The following LMX1A variants were observed in gnomAD, a reference collection of about 807,000 sequenced individuals.
LMX1A encodes LIM homeobox transcription factor 1-alpha.
Under a neutral mutation model 49.1 loss-of-function variants are expected in LMX1A, and 15 were observed. That is an observed-to-expected ratio of 0.31 (90% CI 0.20 to 0.47). LMX1A has a LOEUF of 0.47. Ranked by LOEUF, LMX1A falls within the 20% of genes least tolerant of loss-of-function variation. LMX1A has a pLI of 1.00. For synonymous variants in LMX1A, 167 were observed against 185.7 expected (o/e 0.90, Z 0.82); for missense variants, 372 against 475.8 (o/e 0.78, Z 2.03).
At chr1:165,221,945 GCACACGCACA>G (rs1651866899) in intron 4 of LMX1A, among the ~76,000 whole-genome samples, 1 of 46,990 alleles carries the variant, frequency 2.1e-5, no homozygotes, top group African/African-American at 6.0e-5. Flanking sequence ...ACACACACAC[GCACACGCACA>G]CACACACGCT....
At chr1:165,342,121 T>C (rs768291950) in intron 3 of LMX1A, among the ~76,000 whole-genome samples, 1 of 152,228 alleles carries the variant, frequency 6.6e-6, no homozygotes, top group Non-Finnish European at 1.5e-5. Context: ...AATACAGGAA[T>C]ACTCAGTTTC....
At chr1:165,204,597 A>C (rs1650994495) in intron 8 of LMX1A, among the ~76,000 whole-genome samples, 1 of 152,188 alleles carries the variant, frequency 6.6e-6, no homozygotes, top group South Asian at 2.1e-4. Flanking sequence ...CACACATTGG[A>C]ACAGCTGAGA....
chr1:165,232,272 T>G (rs1446647232), intron 4 of LMX1A, among the ~76,000 whole-genome samples: 1 of 152,216 alleles, frequency 6.6e-6, no homozygotes, highest in African/African-American at 2.4e-5. Flanking sequence ...TGGAAGTTAC[T>G]GTGTCTGGGC....
chr1:165,236,956 G>C (rs185270850), intron 4 of LMX1A, among the ~76,000 whole-genome samples: 1 of 151,556 alleles, frequency 6.6e-6, no homozygotes, highest in East Asian at 1.9e-4. Flanking sequence ...TTTAGTTATT[G>C]ATGGTTTCCT....
At chr1:165,324,313 C>G (rs1363533425) in intron 3 of LMX1A, among the ~76,000 whole-genome samples, 1 of 152,146 alleles carries the variant, frequency 6.6e-6, no homozygotes, top group Non-Finnish European at 1.5e-5. Context: ...TCCACCAGCC[C>G]AAGTGCAGCT....
At chr1:165,207,896 A>G (rs1651159810) in intron 7 of LMX1A, among the ~76,000 whole-genome samples, 167 bp downstream of exon 7, 1 of 152,152 alleles carries the variant, frequency 6.6e-6, no homozygotes, top group Non-Finnish European at 1.5e-5. Context: ...CCCTCTCACA[A>G]GTTCCTCGTG....
At chr1:165,324,696 T>C (rs1040375675) in intron 3 of LMX1A, among the ~76,000 whole-genome samples, 1 of 152,184 alleles carries the variant, frequency 6.6e-6, no homozygotes, top group African/African-American at 2.4e-5. Flanking sequence ...CTCTTTACAG[T>C]CTACAAAGTG....
chr1:165,327,945 G>C (rs975473367), intron 3 of LMX1A, among the ~76,000 whole-genome samples: 8 of 152,346 alleles, frequency 5.3e-5, no homozygotes, highest in African/African-American at 1.9e-4. Context: ...CCTCGACTTA[G>C]AGAGTCCAGG....
chr1:165,227,215 C>T (rs752226188), intron 4 of LMX1A, among the ~76,000 whole-genome samples: 6 of 152,156 alleles, frequency 3.9e-5, no homozygotes, highest in African/African-American at 1.4e-4. Context: ...GCAGAGCTGA[C>T]AGAGTAGAGC....
intron 3 of LMX1A, among the ~76,000 whole-genome samples, chr1:165,330,686 C>G (rs962083751): frequency 1.3e-5 from 2 of 152,176 alleles, no homozygotes; most frequent in African/African-American, 4.8e-5. Context: ...CCTGTTCTTA[C>G]AGGCTTTAGT....
At chr1:165,336,066 C>CT in intron 3 of LMX1A, among the ~76,000 whole-genome samples, 1 of 152,214 alleles carries the variant, frequency 6.6e-6, no homozygotes, top group East Asian at 1.9e-4. Flanking sequence ...TTACTAAATG[C>CT]TTTATAACAT....
At chr1:165,220,660 T>A (rs1309226596) in intron 4 of LMX1A, among the ~76,000 whole-genome samples, 1 of 152,248 alleles carries the variant, frequency 6.6e-6, no homozygotes, top group Non-Finnish European at 1.5e-5. Flanking sequence ...AGGAACAGGC[T>A]GTTTAGCCAG....
At chr1:165,204,095 G>T in intron 8 of LMX1A, 55 bp from the exon 9 acceptor site, 1 of 1,575,114 alleles carries the variant, frequency 6.3e-7, no homozygotes, top group Non-Finnish European at 8.7e-7. Context: ...ACTCATTTCA[G>T]TGCTAGGATA....
intron 3 of LMX1A, among the ~76,000 whole-genome samples, chr1:165,253,369 C>CAT (rs1300683825): frequency 6.6e-6 from 1 of 152,102 alleles, no homozygotes; most frequent in African/African-American, 2.4e-5. Flanking sequence ...GATTCTAAGT[C>CAT]AATACATGTG....
At chr1:165,290,313 C>T (rs1654426714) in intron 3 of LMX1A, among the ~76,000 whole-genome samples, 3 of 152,214 alleles carry the variant, frequency 2.0e-5, no homozygotes, top group Non-Finnish European at 4.4e-5. Flanking sequence ...AGCAGAGCTA[C>T]GCTCCCTCTA....
chr1:165,352,746 G>T lies in LMX1A; in HGVS notation c.263+330C>A, dbSNP rs1656470023. Among the ~76,000 whole-genome samples, 3 of 152,242 alleles carry T rather than the reference G, an allele frequency of 2.0e-5. No individual in the cohort carries two copies. The East Asian group carries it at 5.8e-4, about 29-fold the overall frequency. On this transcript the variant is annotated intron_variant, in intron 3 of 8. Coordinates refer to ENST00000342310, the MANE Select transcript of LMX1A (RefSeq NM_177398.4). ...TAAAAGAGGGAGACCAAGCTCGAGG[G>T]ATTCCAAGGCTAACAAAGAGTGGCC...
intron 3 of LMX1A, among the ~76,000 whole-genome samples, chr1:165,270,638 C>G (rs1225333934): frequency 6.6e-6 from 1 of 152,108 alleles, no homozygotes; most frequent in Admixed American, 6.6e-5. Flanking sequence ...TTCTTATTTC[C>G]TGCCAGATCT....
chr1:165,247,048 C>CTTTTTTTTTTTTTT (rs1204141626), intron 4 of LMX1A, among the ~76,000 whole-genome samples: 3 of 21,420 alleles, frequency 1.4e-4, no homozygotes, highest in Non-Finnish European at 2.4e-4. Flanking sequence ...ATCAGATCAG[C>CTTTTTTTTTTTTTT]TTTTTCTTTT....
intron 4 of LMX1A, among the ~76,000 whole-genome samples, chr1:165,243,271 A>G (rs1652728116): frequency 6.6e-6 from 1 of 152,234 alleles, no homozygotes; most frequent in South Asian, 2.1e-4. Context: ...TGATTTTAAA[A>G]GAAAATGTAA....
Sources: allele counts gnomAD v4.1 joint callset (sites outside exome capture counted in the v4.1 genomes callset), GRCh38; gene constraint gnomAD v4.1.1; transcripts MANE v1.5; gene names NCBI Gene and HGNC (gene_info 2026-07-23, HGNC 2026-07-21).